LEPR: variants seen among roughly 807,000 people sequenced by gnomAD.
LEPR encodes the protein leptin receptor.
A neutral mutation model predicts 114.7 loss-of-function variants in LEPR; 56 were observed. The ratio of observed to expected loss-of-function variants is 0.49; its 90% CI spans 0.39 to 0.61. LEPR has a LOEUF of 0.61. Among genes scored for constraint, LEPR ranks in the 20% least tolerant of loss-of-function variants. LEPR has a pLI of 0.00. For missense variants in LEPR, 1,202 were observed against 1,352.9 expected (o/e 0.89, Z 1.75); for synonymous variants, 443 against 461.4 (o/e 0.96, Z 0.51).
At chr1:65,608,992 A>G in intron 12 of LEPR, 91 bp downstream of exon 12, 1 of 1,492,600 alleles carries the variant, frequency 6.7e-7, no homozygotes, top group Non-Finnish European at 9.3e-7. Flanking sequence ...TTTTATTGGC[A>G]TAAAAGTACA....
Position 65,592,872 on chromosome 1 carries a change from T to C in LEPR, c.703+7T>C, listed in dbSNP as rs1239204264. ...GTTCAGCCCATAAATATGGGTAAGT[T>C]ATGCACTAAAATGATGATAATAGGT... On this transcript the variant is annotated splice_region_variant and intron_variant, in intron 6 of 19. Coordinates refer to ENST00000349533, the MANE Select transcript of LEPR (RefSeq NM_002303.6). 1.2e-6 allele frequency: 2 copies of C among 1,612,548 alleles called. No individual in the cohort carries two copies. Among genetic ancestry groups the C allele is most frequent in the Non-Finnish European group, 1.7e-6 (2 of 1,178,986 alleles).
intron 2 of LEPR, among the ~76,000 whole-genome samples, chr1:65,446,204 A>G (rs1646711924): frequency 6.6e-6 from 1 of 152,220 alleles, no homozygotes; most frequent in Non-Finnish European, 1.5e-5. Context: ...AAGTGGCTGT[A>G]CAATTTTGCA....
chr1:65,488,159 C>CCTTTCTTTCTTTCTTT (rs71058410), intron 2 of LEPR, among the ~76,000 whole-genome samples: 13 of 65,476 alleles, frequency 2.0e-4, no homozygotes, highest in African/African-American at 2.0e-4. Flanking sequence ...TTCCTTCCTT[C>CCTTTCTTTCTTTCTTT]CTTTCTTTCT....
chr1:65,451,613 C>G (rs1246919009), intron 2 of LEPR, among the ~76,000 whole-genome samples: 1 of 152,164 alleles, frequency 6.6e-6, no homozygotes, highest in East Asian at 1.9e-4. Context: ...TTTCTGAGGG[C>G]TCTGTTCTGT....
rs1048179088 is a variant in LEPR, at chr1:65,613,776, A to C, written c.1996-2232A>C. Among the ~76,000 whole-genome samples the C allele has an allele frequency of 8.6e-5, 13 of 151,036 alleles. 1 individual carries two copies. Among genetic ancestry groups the C allele is most frequent in the African/African-American group, 1.5e-4 (6 of 41,104 alleles). ...CTCCGTCTCAAAAAAAAAAAAAAAAAAAAAAACCAAGTATCTGAACAAAAA... is the reference window on the plus strand; with the variant it reads ...CTCCGTCTCAAAAAAAAAAAAAAAACAAAAAACCAAGTATCTGAACAAAAA... On this transcript the variant is annotated intron_variant, in intron 14 of 19. Coordinates refer to ENST00000349533, the MANE Select transcript of LEPR (RefSeq NM_002303.6).
chr1:65,488,224 CTCTCTTTCTTTCTT>C (rs1647656823), intron 2 of LEPR, among the ~76,000 whole-genome samples: 1 of 39,904 alleles, frequency 2.5e-5, no homozygotes, highest in Non-Finnish European at 5.6e-5. Context: ...CTCTCTCTCT[CTCTCTTTCTTTCTT>C]TCTTTCTTTC....
chr1:65,598,402 T>C (rs1483031056), intron 7 of LEPR, among the ~76,000 whole-genome samples: 1 of 152,136 alleles, frequency 6.6e-6, no homozygotes, highest in African/African-American at 2.4e-5. Flanking sequence ...AGGTCATATA[T>C]TCATCATGAT....
At chr1:65,531,450 C>G (rs900109490) in intron 2 of LEPR, among the ~76,000 whole-genome samples, 4 of 149,006 alleles carry the variant, frequency 2.7e-5, no homozygotes, top group Non-Finnish European at 1.5e-5. Flanking sequence ...CTCTCTTCTC[C>G]TCTCCTCTCC....
intron 2 of LEPR, among the ~76,000 whole-genome samples, chr1:65,471,602 A>C (rs535321776): frequency 1.3e-5 from 2 of 152,306 alleles, no homozygotes; most frequent in East Asian, 3.9e-4. Context: ...CTGTTTTTCC[A>C]AAAGACCTTT....
At chr1:65,458,101 G>C (rs983264437) in intron 2 of LEPR, among the ~76,000 whole-genome samples, 2 of 152,142 alleles carry the variant, frequency 1.3e-5, no homozygotes, top group African/African-American at 4.8e-5. Flanking sequence ...GACTACTGCA[G>C]GAAATCCACA....
At chr1:65,634,835 A>C in intron 19 of LEPR, 1 of 898,312 alleles carries the variant, frequency 1.1e-6, no homozygotes, top group African/African-American at 1.8e-5. Context: ...AAAATGAGCA[A>C]GCAAATATTT....
chr1:65,618,814 G>T lies in LEPR; in HGVS notation c.2395+668G>T, dbSNP rs114304289. The stretch of plus-strand genomic sequence containing the variant: ...ACTTAAACTGTTTGAGATTCTTTAT[G>T]TTGCTTCCAGCTTTATCTTTTCTTA... On this transcript the variant is annotated intron_variant, in intron 16 of 19. Coordinates refer to ENST00000349533, the MANE Select transcript of LEPR (RefSeq NM_002303.6). 8.0e-3 allele frequency among the ~76,000 whole-genome samples: 1,217 copies of T among 151,962 alleles called. 10 individuals are homozygous for T. The highest frequency in any genetic ancestry group is 0.012 in the Non-Finnish European group (813 of 67,956).
Position 65,636,874 on chromosome 1 carries a change from T to C in LEPR, c.3357T>C (p.Ser1119=). 6.2e-7 allele frequency: 1 copy of C among 1,607,946 alleles called. No homozygotes were observed. Residue 1119 remains serine (S), a synonymous_variant, in exon 20 of 20, where the codon AGT becomes AGC. Coordinates refer to ENST00000349533, the MANE Select transcript of LEPR (RefSeq NM_002303.6). ...LFTDIRVLQD[S]CSHFVENNIN... ...CGGACATCAGAGTTCTCCAGGACAG[T>C]TGCTCACACTTTGTAGAAAATAATA...
chr1:65,585,503 T>G (rs2100866131), intron 5 of LEPR, among the ~76,000 whole-genome samples: 1 of 152,154 alleles, frequency 6.6e-6, no homozygotes, highest in South Asian at 2.1e-4. Flanking sequence ...GAATTATATC[T>G]CTACCTTTTG....
chr1:65,524,532 A>AT lies in LEPR; in HGVS notation c.-20-41013dup, dbSNP rs555073827. ...GCGAAGTTATAGCAAGGTTCCTTCC[A>AT]TAATGCACAGCAGCTGGGCCAGGGA... On this transcript the variant is annotated intron_variant, in intron 2 of 19. Transcript: ENST00000349533. Among the ~76,000 whole-genome samples, 23 of 152,354 alleles carry AT rather than the reference A, an allele frequency of 1.5e-4. No homozygotes were observed. In the South Asian group the frequency reaches 4.6e-3, roughly 30 times the overall value.
At chr1:65,470,874 C>T (rs1647074786) in intron 2 of LEPR, among the ~76,000 whole-genome samples, 1 of 152,126 alleles carries the variant, frequency 6.6e-6, no homozygotes, top group African/African-American at 2.4e-5. Flanking sequence ...AAGGAATTAT[C>T]TGAAGTTAAG....
intron 5 of LEPR, among the ~76,000 whole-genome samples, chr1:65,578,718 T>C (rs185803828): frequency 6.6e-6 from 1 of 152,282 alleles, no homozygotes; most frequent in Admixed American, 6.5e-5. Context: ...GTAAATTTAA[T>C]AATTCCAGGA....
chr1:65,616,795 G>C (rs994830242), intron 15 of LEPR, among the ~76,000 whole-genome samples: 1 of 152,178 alleles, frequency 6.6e-6, no homozygotes, highest in South Asian at 2.1e-4. Context: ...GGAATTTCTA[G>C]TCTAGATTAC....
At chr1:65,442,752 G>A (rs1415027677) in intron 2 of LEPR, among the ~76,000 whole-genome samples, 1 of 152,152 alleles carries the variant, frequency 6.6e-6, no homozygotes, top group Non-Finnish European at 1.5e-5. Flanking sequence ...TGCCTTCCCT[G>A]CCTCCAAAAA....
Sources: allele counts gnomAD v4.1 joint callset (sites outside exome capture counted in the v4.1 genomes callset), GRCh38; gene constraint gnomAD v4.1.1; transcripts MANE v1.5; gene names NCBI Gene and HGNC (gene_info 2026-07-23, HGNC 2026-07-21).